Variants in ANKRD12 observed in about 807,000 individuals in gnomAD.
ANKRD12 encodes the protein ankyrin repeat domain 12.
In ANKRD12, 85 loss-of-function variants were observed where a neutral mutation model predicts 183.4. That is an observed-to-expected ratio of 0.46 (90% CI 0.39 to 0.56). The LOEUF (loss-of-function observed/expected upper bound fraction) is 0.56, where lower values mean the gene tolerates loss of function less well. Ranked by LOEUF, ANKRD12 falls within the 20% of genes least tolerant of loss-of-function variation. The probability of loss-of-function intolerance (pLI) is 0.00; values close to 1 mark genes in which losing one functional copy is unlikely to be tolerated. For missense variants in ANKRD12, 2,405 were observed against 2,357.1 expected (o/e 1.02, Z -0.42); for synonymous variants, 914 against 800.2 (o/e 1.14, Z -2.40).
intron 1 of ANKRD12, among the ~76,000 whole-genome samples, chr18:9,138,173 A>C (rs1044134207): frequency 6.6e-6 from 1 of 152,268 alleles, no homozygotes; most frequent in Non-Finnish European, 1.5e-5. Context: ...ATTATAAAGA[A>C]AGGCTAGTGA....
chr18:9,194,379 A>T (rs2034645559), intron 2 of ANKRD12, among the ~76,000 whole-genome samples: 1 of 151,148 alleles, frequency 6.6e-6, no homozygotes, highest in South Asian at 2.1e-4. Context: ...TTATTGAGAC[A>T]GAGTTTTGCT....
chr18:9,157,822 G>A (rs764786551), intron 1 of ANKRD12, among the ~76,000 whole-genome samples: 7 of 151,860 alleles, frequency 4.6e-5, no homozygotes, highest in Non-Finnish European at 1.0e-4. Flanking sequence ...TGCCACAGCA[G>A]AAAAATGACC....
At chr18:9,139,425 GATTTTT>G (rs1288468914) in intron 1 of ANKRD12, among the ~76,000 whole-genome samples, 3 of 152,072 alleles carry the variant, frequency 2.0e-5, no homozygotes, top group African/African-American at 7.2e-5. Context: ...TTGGAGAAGA[GATTTTT>G]ATTCTTAAAA....
intron 1 of ANKRD12, among the ~76,000 whole-genome samples, chr18:9,140,186 A>G (rs557324743): frequency 1.1e-3 from 170 of 152,364 alleles, no homozygotes; most frequent in Admixed American, 2.8e-3. Flanking sequence ...TTCATGTGGA[A>G]CAAATGAGAA....
chr18:9,255,843 A>G lies in ANKRD12; in HGVS notation c.2576A>G (p.Asp859Gly). Residue 859 changes from aspartate (D) to glycine (G), a missense_variant, in exon 9 of 13, where the codon GAT becomes GGT. By Grantham distance (94) the Asp-to-Gly change is moderately conservative. This residue lies in a region of ANKRD12 where 1,983 missense variants were observed against 1,725.9 expected (regional missense o/e 1.15). Coordinates refer to ENST00000262126, the MANE Select transcript of ANKRD12 (RefSeq NM_015208.5). ...HEHKSEKDKL[D>G]LSECVDKIKE... ...CATAAGTCAGAAAAAGACAAATTAG[A>G]TCTTAGTGAATGTGTTGATAAAATA... 6.3e-7 allele frequency: 1 copy of G among 1,583,168 alleles called. No individual in the cohort carries two copies. Among genetic ancestry groups the G allele is most frequent in the Non-Finnish European group, 8.5e-7 (1 of 1,171,834 alleles).
intron 10 of ANKRD12, among the ~76,000 whole-genome samples, chr18:9,273,534 G>A (rs777399050): frequency 4.6e-5 from 7 of 152,184 alleles, no homozygotes; most frequent in Admixed American, 1.3e-4. Flanking sequence ...ATTGCTGATA[G>A]GAATGTGAAA....
chr18:9,218,446 A>G (rs1228760304), intron 7 of ANKRD12, among the ~76,000 whole-genome samples: 1 of 152,192 alleles, frequency 6.6e-6, no homozygotes, highest in Non-Finnish European at 1.5e-5. Context: ...CCTAATGTGT[A>G]TTCTGAGCCA....
Position 9,281,986 on chromosome 18 carries a change from T to C in ANKRD12, c.*860T>C, listed in dbSNP as rs2040119450. 1 of 152,614 alleles carries C rather than the reference T, an allele frequency of 6.6e-6. No individual in the cohort carries two copies. Among genetic ancestry groups the C allele is most frequent in the Admixed American group, 6.5e-5 (1 of 15,278 alleles). The allele number at this position is 152,614 out of a possible 1,614,324, so 9.5% of individuals were successfully genotyped here. On this transcript the variant is annotated 3_prime_UTR_variant, in exon 13 of 13. Transcript: ENST00000262126. Reference sequence around the variant, plus strand: ...AGTCTCCTCTAGTAGACCTGTGACTTACTGTGTTGGACATATTATTTAGAC... The same window carrying C: ...AGTCTCCTCTAGTAGACCTGTGACTCACTGTGTTGGACATATTATTTAGAC...
At position 9,216,910 on chromosome 18, in the gene ANKRD12, A is replaced by T. The variant is rs748590274; in HGVS notation, c.795+10A>T. ...TAGTGGGCACAGAGATGTAAGTATG[A>T]TAGAAAAAAATCAATAATACACATT... On this transcript the variant is annotated intron_variant, in intron 7 of 12. Transcript: ENST00000262126. 4 of 1,606,872 alleles carry T rather than the reference A, an allele frequency of 2.5e-6. No individual in the cohort carries two copies. In the East Asian group the frequency reaches 8.9e-5, roughly 36 times the overall value.
chr18:9,277,909 C>A (rs755349523), intron 11 of ANKRD12, among the ~76,000 whole-genome samples: 3 of 152,164 alleles, frequency 2.0e-5, no homozygotes, highest in Non-Finnish European at 4.4e-5. Context: ...TTGAGTAATT[C>A]ATTTTCCCTG....
At chr18:9,168,542 A>G (rs2032331761) in intron 1 of ANKRD12, among the ~76,000 whole-genome samples, 1 of 151,984 alleles carries the variant, frequency 6.6e-6, no homozygotes. Flanking sequence ...AGTAGTTTGT[A>G]TTTCTGTGGG....
At chr18:9,167,204 T>C (rs2032169090) in intron 1 of ANKRD12, among the ~76,000 whole-genome samples, 2 of 152,178 alleles carry the variant, frequency 1.3e-5, no homozygotes, top group South Asian at 4.1e-4. Flanking sequence ...ATGCGGGCTC[T>C]TTTTTGGTTC....
At chr18:9,183,842 G>C (rs1417515601) in intron 2 of ANKRD12, among the ~76,000 whole-genome samples, 1 of 151,976 alleles carries the variant, frequency 6.6e-6, no homozygotes, top group Non-Finnish European at 1.5e-5. Flanking sequence ...TATATGTGCA[G>C]TTTTGCTCTT....
chr18:9,258,856 C>T lies in ANKRD12; in HGVS notation c.5589C>T (p.Tyr1863=). 1 of 1,613,728 alleles carries T rather than the reference C, an allele frequency of 6.2e-7. No individual in the cohort carries two copies. Among genetic ancestry groups the T allele is most frequent in the Non-Finnish European group, 8.5e-7 (1 of 1,179,800 alleles). ...GTGTGATTCCTCAAGCACCTCAGTA[C>T]TATGACGAATATGTAACATTTAACG... is the stretch of plus-strand genomic sequence containing the variant. The part of the protein sequence containing the change: ...LCSVIPQAPQ[Y]YDEYVTFNGS... The change falls in exon 9 of 13, where the codon TAC becomes TAT. Residue 1863 remains tyrosine (Y), a synonymous_variant. Transcript: ENST00000262126.
At chr18:9,196,189 TACAC>T (rs34220366) in intron 3 of ANKRD12, among the ~76,000 whole-genome samples, 1,453 of 51,112 alleles carry the variant, frequency 0.028, 10 homozygotes, top group Middle Eastern at 0.045. Flanking sequence ...ATAGAATTTT[TACAC>T]ACACACACAC....
intron 3 of ANKRD12, among the ~76,000 whole-genome samples, chr18:9,202,714 G>A (rs1441170822): frequency 6.6e-6 from 1 of 152,210 alleles, no homozygotes; most frequent in Non-Finnish European, 1.5e-5. Context: ...CTCATAAACA[G>A]TGGTAGTCTC....
intron 1 of ANKRD12, among the ~76,000 whole-genome samples, chr18:9,163,036 CTTAGTTTAA>C (rs1364665079): frequency 1.3e-5 from 2 of 152,114 alleles, no homozygotes; most frequent in East Asian, 1.9e-4. Flanking sequence ...GCAGAAGCTC[CTTAGTTTAA>C]TTAGATCCCA....
Position 9,255,240 on chromosome 18 carries a change from AAG to A in ANKRD12, c.1978_1979del (p.Arg660GlyfsTer6), listed in dbSNP as rs780279839. On this transcript the variant is annotated frameshift_variant, in exon 9 of 13. Coordinates refer to ENST00000262126, the MANE Select transcript of ANKRD12 (RefSeq NM_015208.5). LOFTEE classifies it high-confidence loss of function. ...TTAAAAAAACATAAATTGAAGCATAAAGAGAGGGAAAAAGAAAAGCATAAAAA... is the reference window on the plus strand; with the variant it reads ...TTAAAAAAACATAAATTGAAGCATAAAGAGGGAAAAAGAAAAGCATAAAAA... 1.9e-6 allele frequency: 3 copies of A among 1,571,638 alleles called. No homozygotes were observed. The highest frequency in any genetic ancestry group is 1.2e-5 in the South Asian group (1 of 82,822).
chr18:9,187,041 G>A (rs763813806), intron 2 of ANKRD12, among the ~76,000 whole-genome samples: 18 of 152,176 alleles, frequency 1.2e-4, no homozygotes, highest in South Asian at 2.1e-4. Context: ...GATTACAGGC[G>A]TGAGCCACTG....
Sources: gnomAD v4.1 joint callset for allele counts (sites outside exome capture counted in the v4.1 genomes callset) on GRCh38, gnomAD v4.1.1 for gene constraint, gnomAD v4.1.1 regional missense constraint, MANE v1.5 for transcripts, NCBI Gene and HGNC (gene_info 2026-07-23, HGNC 2026-07-21) for gene names.